The following TMEM132C variants were observed in gnomAD, a reference collection of about 807,000 sequenced individuals.
TMEM132C encodes transmembrane protein 132C.
In TMEM132C, 29 loss-of-function variants were observed where a neutral mutation model predicts 61.4. The observed-to-expected ratio is 0.47, with a 90% confidence interval of 0.35 to 0.64. TMEM132C has a LOEUF of 0.64. Ranked by LOEUF, TMEM132C falls within the 30% of genes least tolerant of loss-of-function variation. The pLI is 0.00. For missense variants in TMEM132C, 1,408 were observed against 1,476.9 expected, an observed-to-expected ratio of 0.95 and a Z score of 0.76; for synonymous variants, 656 against 633.1, an observed-to-expected ratio of 1.04 and a Z score of -0.54.
intron 2 of TMEM132C, among the ~76,000 whole-genome samples, chr12:128,426,352 G>A (rs953916794): frequency 6.6e-6 from 1 of 152,184 alleles, no homozygotes; most frequent in Non-Finnish European, 1.5e-5. Flanking sequence ...CTGCATGATC[G>A]TTGGCTCTTT....
intron 3 of TMEM132C, among the ~76,000 whole-genome samples, chr12:128,597,655 A>C (rs1448606294): frequency 1.3e-5 from 2 of 152,254 alleles, no homozygotes; most frequent in Non-Finnish European, 1.5e-5. Context: ...GGGATACAAC[A>C]GTGGCCAACA....
At chr12:128,622,363 ATATATATATATATATAT>A (rs1565994573) in intron 4 of TMEM132C, among the ~76,000 whole-genome samples, 2,082 of 56,708 alleles carry the variant, frequency 0.037, 228 homozygotes, top group East Asian at 0.13. Context: ...AAAAAAAAAT[ATATATATATATATATAT>A]ATATATATAT....
At chr12:128,478,287 T>G in intron 2 of TMEM132C, among the ~76,000 whole-genome samples, 1 of 152,322 alleles carries the variant, frequency 6.6e-6, no homozygotes. Context: ...CTGATTGTTG[T>G]TTTTTTATTT....
intron 3 of TMEM132C, among the ~76,000 whole-genome samples, chr12:128,557,837 G>C (rs943369593): frequency 6.6e-6 from 1 of 152,196 alleles, no homozygotes; most frequent in African/African-American, 2.4e-5. Context: ...TTAATTTAAT[G>C]GATCTTTTTT....
intron 1 of TMEM132C, among the ~76,000 whole-genome samples, chr12:128,356,058 A>G (rs1428913711): frequency 6.6e-6 from 1 of 152,230 alleles, no homozygotes; most frequent in Non-Finnish European, 1.5e-5. Context: ...CCAGGCATGT[A>G]GCAGGAGCTC....
intron 1 of TMEM132C, among the ~76,000 whole-genome samples, chr12:128,390,535 A>G (rs1444777308): frequency 3.3e-5 from 5 of 152,058 alleles, no homozygotes; most frequent in Admixed American, 3.3e-4. Flanking sequence ...ACTCTGGATG[A>G]TCCTCCTGGC....
At chr12:128,333,325 C>T (rs969412992) in intron 1 of TMEM132C, among the ~76,000 whole-genome samples, 18 of 150,766 alleles carry the variant, frequency 1.2e-4, no homozygotes, top group South Asian at 4.3e-4. Flanking sequence ...TATGTGTGTG[C>T]GAGTGTTGTG....
At chr12:128,693,653 C>T (rs1031197467) in intron 5 of TMEM132C, among the ~76,000 whole-genome samples, 176 bp from the exon 6 acceptor site, 2 of 152,168 alleles carry the variant, frequency 1.3e-5, no homozygotes, top group African/African-American at 4.8e-5. Flanking sequence ...CACCCCTGCT[C>T]CCTGGGGTCA....
chr12:128,412,078 T>C (rs773650747), intron 1 of TMEM132C, among the ~76,000 whole-genome samples: 7 of 152,370 alleles, frequency 4.6e-5, no homozygotes, highest in Non-Finnish European at 1.0e-4. Flanking sequence ...CCTCAGGATT[T>C]ATAGCCAAAA....
intron 2 of TMEM132C, among the ~76,000 whole-genome samples, chr12:128,540,466 A>G (rs1873696990): frequency 6.6e-6 from 1 of 152,076 alleles, no homozygotes. Context: ...GTTGGCCAGG[A>G]TAATCTCTAT....
intron 2 of TMEM132C, chr12:128,438,078 C>A (rs1869660850): frequency 6.6e-6 from 1 of 152,126 alleles, no homozygotes; most frequent in Non-Finnish European, 1.5e-5. Flanking sequence ...TGAAAGTTTG[C>A]AGATTCTGTT....
chr12:128,280,402 G>A (rs1870852742), intron 1 of TMEM132C, among the ~76,000 whole-genome samples: 1 of 152,162 alleles, frequency 6.6e-6, no homozygotes, highest in Non-Finnish European at 1.5e-5. Flanking sequence ...CTCCTTCCTT[G>A]TAGACAAGAG....
At chr12:128,674,704 C>T (rs948372955) in intron 5 of TMEM132C, among the ~76,000 whole-genome samples, 14 of 152,038 alleles carry the variant, frequency 9.2e-5, no homozygotes, top group Non-Finnish European at 1.6e-4. Context: ...AAGTTATTGG[C>T]GTACAGGTGG....
At chr12:128,514,455 A>G (rs764502985) in intron 2 of TMEM132C, among the ~76,000 whole-genome samples, 3 of 151,422 alleles carry the variant, frequency 2.0e-5, no homozygotes, top group African/African-American at 7.3e-5. Flanking sequence ...ACTTTCTTAC[A>G]TTTATTTCAT....
chr12:128,692,497 C>A (rs1954727403), intron 5 of TMEM132C, among the ~76,000 whole-genome samples: 2 of 152,168 alleles, frequency 1.3e-5, no homozygotes, highest in South Asian at 4.1e-4. Flanking sequence ...CTCTATAACC[C>A]AACTTGGTTT....
intron 1 of TMEM132C, among the ~76,000 whole-genome samples, chr12:128,280,954 G>C (rs1228161304): frequency 6.6e-6 from 1 of 152,114 alleles, no homozygotes; most frequent in African/African-American, 2.4e-5. Context: ...AAAAATGTGG[G>C]TGTTGTTACC....
In TMEM132C at chr12:128,599,496, G is replaced by A. The variant is rs531126149; in HGVS notation, c.1122-16656G>A. ...CGGAGGAGACGGTTGCCTTGCTGCT[G>A]CTACTTTCATACAGAAATAGGATCT... On this transcript the variant is annotated intron_variant, in intron 3 of 8. Transcript: ENST00000435159. 2.6e-5 allele frequency among the ~76,000 whole-genome samples: 4 copies of A among 152,314 alleles called. No homozygotes were observed. In the East Asian group the frequency reaches 5.8e-4, roughly 22 times the overall value.
At chr12:128,381,159 G>A (rs1259220959) in intron 1 of TMEM132C, among the ~76,000 whole-genome samples, 1 of 152,158 alleles carries the variant, frequency 6.6e-6, no homozygotes, top group African/African-American at 2.4e-5. Context: ...AGTACAACGC[G>A]GGCATATTTG....
intron 4 of TMEM132C, among the ~76,000 whole-genome samples, chr12:128,652,766 G>A (rs1954285138): frequency 6.6e-6 from 1 of 152,240 alleles, no homozygotes; most frequent in African/African-American, 2.4e-5. Flanking sequence ...ATAGCATGGA[G>A]AAAAGTGCTC....
Sources: allele counts gnomAD v4.1 joint callset (sites outside exome capture counted in the v4.1 genomes callset), GRCh38; gene constraint gnomAD v4.1.1; transcripts MANE v1.5; gene names NCBI Gene and HGNC (gene_info 2026-07-23, HGNC 2026-07-21).